The following RIT2 variants were observed in gnomAD, a reference collection of about 807,000 sequenced individuals.
RIT2 encodes the protein GTP-binding protein Rit2.
In RIT2, 24 loss-of-function variants were observed where a neutral mutation model predicts 23.7. The ratio of observed to expected loss-of-function variants is 1.01; its 90% CI spans 0.73 to 1.43. The LOEUF (loss-of-function observed/expected upper bound fraction) is 1.43, where lower values mean the gene tolerates loss of function less well. Ranked by LOEUF, RIT2 falls within the 40% of genes most tolerant of loss-of-function variation. The probability of loss-of-function intolerance (pLI) is 0.00; values close to 1 mark genes in which losing one functional copy is unlikely to be tolerated. For missense variants in RIT2, 236 were observed against 266.9 expected, an observed-to-expected ratio of 0.88 and a Z score of 0.81; for synonymous variants, 107 against 91.1, an observed-to-expected ratio of 1.17 and a Z score of -0.99.
chr18:43,094,401 A>G (rs982351518), intron 1 of RIT2, among the ~76,000 whole-genome samples: 1 of 151,910 alleles, frequency 6.6e-6, no homozygotes, highest in Non-Finnish European at 1.5e-5. Context: ...CATTGTCTAT[A>G]TATTTTCTTT....
chr18:42,811,666 G>A (rs1905852287), intron 4 of RIT2, among the ~76,000 whole-genome samples: 2 of 151,910 alleles, frequency 1.3e-5, no homozygotes, highest in African/African-American at 2.4e-5. Flanking sequence ...TATTGTCATG[G>A]CTTAGTTGAA....
chr18:42,967,176 A>G (rs777278080), intron 3 of RIT2, among the ~76,000 whole-genome samples: 2 of 152,030 alleles, frequency 1.3e-5, no homozygotes, highest in Admixed American at 1.3e-4. Flanking sequence ...TTCTCTCTCT[A>G]TATATATCTA....
At chr18:43,045,317 A>T (rs1232905182) in intron 1 of RIT2, among the ~76,000 whole-genome samples, 2 of 152,198 alleles carry the variant, frequency 1.3e-5, no homozygotes, top group Non-Finnish European at 2.9e-5. Context: ...ATAATTTGTC[A>T]CAGGAGTTAT....
intron 1 of RIT2, among the ~76,000 whole-genome samples, chr18:43,106,782 C>T (rs544568674): frequency 7.9e-5 from 12 of 152,234 alleles, no homozygotes; most frequent in African/African-American, 2.9e-4. Flanking sequence ...GTGGTGTTAG[C>T]TGAAGTAGAA....
intron 4 of RIT2, among the ~76,000 whole-genome samples, chr18:42,754,565 A>G (rs1389952087): frequency 6.6e-6 from 1 of 152,140 alleles, no homozygotes; most frequent in East Asian, 1.9e-4. Flanking sequence ...CAGTCAGTCT[A>G]TGGTGACCTT....
At chr18:42,750,736 T>C (rs1459377487) in intron 4 of RIT2, among the ~76,000 whole-genome samples, 1 of 151,860 alleles carries the variant, frequency 6.6e-6, no homozygotes. Flanking sequence ...TGACAAATTG[T>C]AGACTTGTAT....
intron 4 of RIT2, among the ~76,000 whole-genome samples, chr18:42,752,481 A>T (rs1198692934): frequency 6.6e-6 from 1 of 152,186 alleles, no homozygotes; most frequent in East Asian, 1.9e-4. Flanking sequence ...GCAGTGGTTA[A>T]GAAATGGCTC....
chr18:42,958,679 C>T (rs1910030358), intron 3 of RIT2, among the ~76,000 whole-genome samples: 1 of 152,054 alleles, frequency 6.6e-6, no homozygotes, highest in South Asian at 2.1e-4. Context: ...GCGATACTGC[C>T]AAGCGCAACT....
At chr18:42,838,792 T>C (rs1906685490) in intron 4 of RIT2, among the ~76,000 whole-genome samples, 1 of 152,182 alleles carries the variant, frequency 6.6e-6, no homozygotes, top group Non-Finnish European at 1.5e-5. Flanking sequence ...CTAAAGCCCA[T>C]GAGTCCGGAT....
At chr18:42,858,191 C>T (rs1179254578) in intron 4 of RIT2, among the ~76,000 whole-genome samples, 1 of 152,108 alleles carries the variant, frequency 6.6e-6, no homozygotes, top group Non-Finnish European at 1.5e-5. Context: ...AAAAAACAAA[C>T]AAACATTTGC....
chr18:42,911,776 G>A (rs1181377235), intron 4 of RIT2, among the ~76,000 whole-genome samples: 1 of 152,016 alleles, frequency 6.6e-6, no homozygotes, highest in East Asian at 1.9e-4. Flanking sequence ...TATAACTATT[G>A]AATAAATCAG....
intron 4 of RIT2, among the ~76,000 whole-genome samples, chr18:42,836,615 A>G (rs1241119474): frequency 1.3e-5 from 2 of 152,224 alleles, no homozygotes; most frequent in Admixed American, 1.3e-4. Flanking sequence ...GTTAATAAAA[A>G]CAAAGAAAAG....
intron 1 of RIT2, among the ~76,000 whole-genome samples, chr18:43,094,078 A>C (rs148185835): frequency 6.6e-6 from 1 of 151,476 alleles, no homozygotes; most frequent in Non-Finnish European, 1.5e-5. Context: ...TTTATGCAAA[A>C]ATCCATGAAG....
At chr18:42,858,969 G>A (rs1449876211) in intron 4 of RIT2, among the ~76,000 whole-genome samples, 1 of 152,090 alleles carries the variant, frequency 6.6e-6, no homozygotes, top group Non-Finnish European at 1.5e-5. Flanking sequence ...ATGGCATTTT[G>A]GTTGTGTTCA....
rs397940927 is a variant in RIT2, at chr18:42,967,536, ATTTTTTT to A, written c.234+6531_234+6537del. Among the ~76,000 whole-genome samples, 11 of 80,754 alleles carry A rather than the reference ATTTTTTT, an allele frequency of 1.4e-4. No individual in the cohort carries two copies. In the East Asian group the frequency reaches 3.6e-3, roughly 27 times the overall value. The allele number at this position is 80,754 out of a possible 152,430, so 53.0% of individuals were successfully genotyped here. On this transcript the variant is annotated intron_variant, in intron 3 of 4. Transcript: ENST00000326695. ...AGACGCCCGCCACCACGCCCGGCTA[ATTTTTTT>A]TTTTTTTTTTTTTTTTTTTTTGTAT...
chr18:42,920,696 C>G, intron 4 of RIT2: 1 of 1,588,634 alleles, frequency 6.3e-7, no homozygotes, highest in Non-Finnish European at 8.5e-7. Context: ...CCTATTCTTA[C>G]CAAATATGAA....
intron 1 of RIT2, among the ~76,000 whole-genome samples, chr18:43,042,991 A>G (rs1912163381): frequency 6.6e-6 from 1 of 152,214 alleles, no homozygotes; most frequent in African/African-American, 2.4e-5. Context: ...ACTTGTTCAT[A>G]TAGTTTATAA....
intron 2 of RIT2, among the ~76,000 whole-genome samples, chr18:42,996,200 A>G (rs1449408072): frequency 6.6e-6 from 1 of 152,048 alleles, no homozygotes; most frequent in Non-Finnish European, 1.5e-5. Context: ...ACAGTCCCAC[A>G]ATATCACCCC....
At chr18:42,903,343 A>T (rs567375350) in intron 4 of RIT2, among the ~76,000 whole-genome samples, 2 of 152,252 alleles carry the variant, frequency 1.3e-5, no homozygotes, top group South Asian at 2.1e-4. Flanking sequence ...ATTCTTAAGC[A>T]CACAAAATAT....
Sources: allele counts gnomAD v4.1 joint callset (sites outside exome capture counted in the v4.1 genomes callset), GRCh38; gene constraint gnomAD v4.1.1; transcripts MANE v1.5; gene names NCBI Gene and HGNC (gene_info 2026-07-23, HGNC 2026-07-21).